Variants in SYN3 observed in about 807,000 individuals in gnomAD.
SYN3 encodes synapsin-3.
In SYN3, 35 loss-of-function variants were observed where a neutral mutation model predicts 65.8. The observed-to-expected ratio is 0.53, with a 90% CI of 0.41 to 0.70. SYN3 has a LOEUF of 0.70. Ranked by LOEUF, SYN3 falls within the 30% of genes least tolerant of loss-of-function variation. The probability of loss-of-function intolerance (pLI) is 0.00; values close to 1 mark genes in which losing one functional copy is unlikely to be tolerated. For synonymous variants in SYN3, 270 were observed against 292.9 expected, an observed-to-expected ratio of 0.92 and a Z score of 0.80; for missense variants, 680 against 749.0, an observed-to-expected ratio of 0.91 and a Z score of 1.08.
At chr22:32,799,455 C>T (rs1409343451) in intron 6 of SYN3, among the ~76,000 whole-genome samples, 1 of 152,192 alleles carries the variant, frequency 6.6e-6, no homozygotes, top group Non-Finnish European at 1.5e-5. Flanking sequence ...TATGAGAAAA[C>T]TGCTGCTTGA....
At chr22:32,812,137 T>A (rs188109099) in intron 6 of SYN3, among the ~76,000 whole-genome samples, 5 of 152,182 alleles carry the variant, frequency 3.3e-5, no homozygotes, top group South Asian at 2.1e-4. Context: ...ATTGGCTCTA[T>A]GTGGTGTGTA....
intron 1 of SYN3, among the ~76,000 whole-genome samples, chr22:33,041,008 T>C (rs1359466785): frequency 6.8e-6 from 1 of 148,082 alleles, no homozygotes; most frequent in African/African-American, 2.5e-5. Context: ...TCCAACTCCC[T>C]GGTTCAAGCG....
At chr22:32,770,279 A>G (rs1480942240) in intron 6 of SYN3, among the ~76,000 whole-genome samples, 1 of 152,102 alleles carries the variant, frequency 6.6e-6, no homozygotes, top group Non-Finnish European at 1.5e-5. Context: ...TTGCCCCACA[A>G]CCAATCTCTT....
rs1226587693 is a variant in SYN3 at position 32,869,134 on chromosome 22, G to A, written c.462-9C>T. 6.2e-7 allele frequency: 1 copy of A among 1,611,928 alleles called. No individual in the cohort carries two copies. The highest frequency in any genetic ancestry group is 1.7e-5 in the Admixed American group (1 of 59,918). On this transcript the variant is annotated splice_polypyrimidine_tract_variant and intron_variant, in intron 4 of 13. Transcript: ENST00000358763. Reference sequence around the variant, plus strand: ...CTGGCTTGAAGGATCTGCTGAGAAAGCCAACAGCAGTGTTACCACACTGGG... The same window carrying A: ...CTGGCTTGAAGGATCTGCTGAGAAAACCAACAGCAGTGTTACCACACTGGG...
At chr22:32,981,974 A>C (rs1434138680) in intron 2 of SYN3, among the ~76,000 whole-genome samples, 1 of 152,188 alleles carries the variant, frequency 6.6e-6, no homozygotes, top group African/African-American at 2.4e-5. Flanking sequence ...TGAATGTATA[A>C]AAGAATGATG....
chr22:32,985,824 A>T (rs1240613274), intron 2 of SYN3, among the ~76,000 whole-genome samples: 1 of 151,166 alleles, frequency 6.6e-6, no homozygotes, highest in African/African-American at 2.4e-5. Context: ...ACAGGCCTTC[A>T]CCTCTGCTTG....
chr22:32,833,665 G>T (rs1273756848), intron 6 of SYN3, among the ~76,000 whole-genome samples: 3 of 152,142 alleles, frequency 2.0e-5, no homozygotes, highest in African/African-American at 7.2e-5. Flanking sequence ...AGAAGTAGGG[G>T]CTCCCAATTC....
chr22:32,995,999 A>G (rs959235979), intron 2 of SYN3, among the ~76,000 whole-genome samples: 1 of 151,862 alleles, frequency 6.6e-6, no homozygotes, highest in Non-Finnish European at 1.5e-5. Context: ...TACCAGCTGC[A>G]CCAGAAGGAG....
rs190242607 is a variant in SYN3, at chr22:32,793,233, C to A, written c.711+71682G>T. On this transcript the variant is annotated intron_variant, in intron 6 of 13. Coordinates refer to ENST00000358763, the MANE Select transcript of SYN3 (RefSeq NM_003490.4). Reference sequence around the variant, plus strand: ...ATGGGCCCAGCCTGAATTAGAGCAGCCTGGAGTGACGGGAAGATGATGAGG... The same window carrying A: ...ATGGGCCCAGCCTGAATTAGAGCAGACTGGAGTGACGGGAAGATGATGAGG... 4.6e-5 allele frequency among the ~76,000 whole-genome samples: 7 copies of A among 152,272 alleles called. No individual in the cohort carries two copies. In the East Asian group the frequency reaches 5.8e-4, roughly 13 times the overall value.
intron 6 of SYN3, among the ~76,000 whole-genome samples, chr22:32,744,366 G>C (rs1430678218): frequency 6.6e-6 from 1 of 152,142 alleles, no homozygotes; most frequent in Non-Finnish European, 1.5e-5. Flanking sequence ...TCACCAACGG[G>C]AAGCGATCTA....
At chr22:32,650,129 C>A (rs991886447) in intron 6 of SYN3, among the ~76,000 whole-genome samples, 11 of 152,088 alleles carry the variant, frequency 7.2e-5, no homozygotes, top group African/African-American at 2.7e-4. Flanking sequence ...TTTCTCTATT[C>A]ATTCTCCAAC....
At chr22:32,543,431 C>A (rs942632068) in intron 7 of SYN3, among the ~76,000 whole-genome samples, 6 of 152,204 alleles carry the variant, frequency 3.9e-5, no homozygotes, top group Non-Finnish European at 4.4e-5. Context: ...CGGACCTAAA[C>A]AGCAACAGGA....
intron 6 of SYN3, among the ~76,000 whole-genome samples, chr22:32,741,347 A>ATTTTTTTTT (rs71187210): frequency 7.1e-5 from 7 of 98,688 alleles, no homozygotes; most frequent in Non-Finnish European, 1.0e-4. Context: ...CTAGAGCCCA[A>ATTTTTTTTT]TTTTTTTTTT....
chr22:32,602,448 G>A (rs573731418), intron 6 of SYN3, among the ~76,000 whole-genome samples: 2 of 152,046 alleles, frequency 1.3e-5, no homozygotes, highest in African/African-American at 4.8e-5. Context: ...TTTTTGTTTT[G>A]TTTTGTTTTG....
chr22:32,987,494 C>T (rs1289322032), intron 2 of SYN3, among the ~76,000 whole-genome samples: 1 of 152,156 alleles, frequency 6.6e-6, no homozygotes, highest in Non-Finnish European at 1.5e-5. Context: ...GGAGGAACCG[C>T]CCCCTCAACC....
At chr22:32,659,634 TTA>T (rs2060189632) in intron 6 of SYN3, among the ~76,000 whole-genome samples, 1 of 152,218 alleles carries the variant, frequency 6.6e-6, no homozygotes, top group African/African-American at 2.4e-5. Flanking sequence ...CAGGATAGTA[TTA>T]GAGTCCTTGA....
intron 6 of SYN3, among the ~76,000 whole-genome samples, chr22:32,656,886 A>T (rs1325258750): frequency 8.6e-5 from 13 of 151,980 alleles, no homozygotes; most frequent in Non-Finnish European, 1.6e-4. Context: ...ACAGGGAGAG[A>T]GGGGAAGAGA....
intron 6 of SYN3, among the ~76,000 whole-genome samples, chr22:32,676,768 C>G (rs1239784779): frequency 2.7e-5 from 4 of 150,692 alleles, no homozygotes; most frequent in African/African-American, 9.8e-5. Flanking sequence ...TGGTCTCAAT[C>G]TCTTGATCTT....
At chr22:32,897,203 G>T (rs1054214951) in intron 4 of SYN3, among the ~76,000 whole-genome samples, 7 of 152,166 alleles carry the variant, frequency 4.6e-5, no homozygotes, top group Admixed American at 4.6e-4. Context: ...GCGCCCATGG[G>T]TGTAAGATAA....
Sources: gnomAD v4.1 joint callset for allele counts (sites outside exome capture counted in the v4.1 genomes callset) on GRCh38, gnomAD v4.1.1 for gene constraint, MANE v1.5 for transcripts, NCBI Gene and HGNC (gene_info 2026-07-23, HGNC 2026-07-21) for gene names.